The following FAM107B variants were observed in gnomAD, a reference collection of about 807,000 sequenced individuals.
FAM107B encodes family with sequence similarity 107 member B.
FAM107B carries 21 observed loss-of-function variants against 31.5 expected under a neutral mutation model. The observed-to-expected ratio is 0.67, with a 90% CI of 0.47 to 0.96. The LOEUF is 0.96. Among genes scored for constraint, FAM107B ranks in the 40% least tolerant of loss-of-function variants. The pLI is 0.00. For missense variants in FAM107B, 452 were observed against 377.1 expected (o/e 1.20, Z -1.64); for synonymous variants, 157 against 141.5 (o/e 1.11, Z -0.78).
chr10:14,623,257 C>G (rs991367077), intron 2 of FAM107B, among the ~76,000 whole-genome samples: 1 of 152,180 alleles, frequency 6.6e-6, no homozygotes, highest in Non-Finnish European at 1.5e-5. Context: ...TCTTCTTAAG[C>G]AAACAACTCA....
chr10:14,663,025 G>A (rs984838427), intron 2 of FAM107B, among the ~76,000 whole-genome samples: 9 of 152,310 alleles, frequency 5.9e-5, no homozygotes, highest in Admixed American at 2.6e-4. Flanking sequence ...TGAGTCTTCC[G>A]GTCTTCATCT....
intron 2 of FAM107B, chr10:14,572,444 C>T: frequency 4.1e-6 from 4 of 977,722 alleles, no homozygotes; most frequent in Non-Finnish European, 4.9e-6. Flanking sequence ...AGCATCACCA[C>T]AACACCTACA....
chr10:14,738,789 A>T (rs1955195), intron 1 of FAM107B, among the ~76,000 whole-genome samples: 74,343 of 152,040 alleles, frequency 0.49, 19,738 homozygotes, highest in African/African-American at 0.71. Context: ...TAGTGTGCTA[A>T]GTTTCCATTG....
At chr10:14,734,490 T>TTTTTGTTTTGTTTTG (rs1856251081) in intron 1 of FAM107B, among the ~76,000 whole-genome samples, 1 of 122,642 alleles carries the variant, frequency 8.2e-6, no homozygotes, top group African/African-American at 4.3e-5. Flanking sequence ...TTTGTGAGGT[T>TTTTTGTTTTGTTTTG]TTTTTTTTTT....
intron 2 of FAM107B, among the ~76,000 whole-genome samples, chr10:14,588,044 C>T (rs1458229110): frequency 6.6e-6 from 1 of 152,112 alleles, no homozygotes; most frequent in Admixed American, 6.5e-5. Flanking sequence ...AAATAATTTA[C>T]TTCCATTTTA....
chr10:14,723,614 A>C (rs550144676), intron 1 of FAM107B: 22 of 697,190 alleles, frequency 3.2e-5, no homozygotes, highest in African/African-American at 2.8e-4. Context: ...TCTGTGTGAC[A>C]CAGAGCAATG....
At chr10:14,535,135 T>C (rs962442595) in intron 2 of FAM107B, among the ~76,000 whole-genome samples, 4 of 152,226 alleles carry the variant, frequency 2.6e-5, no homozygotes, top group African/African-American at 9.7e-5. Flanking sequence ...AAAGATAATC[T>C]TGTCACAGTC....
At position 14,689,816 on chromosome 10, in the gene FAM107B, A is replaced by G. The variant is rs375239644; in HGVS notation, c.412-22125T>C. On this transcript the variant is annotated intron_variant, in intron 1 of 4. Coordinates refer to ENST00000181796, the MANE Select transcript of FAM107B (RefSeq NM_031453.4). ...TCTCTACAAAACAAAATTTTTAATT[A>G]GCTGGGTGTGGTAGTGCATTCCTAT... is the stretch of plus-strand genomic sequence containing the variant. Among the ~76,000 whole-genome samples, 15 of 151,972 alleles carry G rather than the reference A, an allele frequency of 9.9e-5. No homozygotes were observed. In the East Asian group the frequency reaches 1.4e-3, roughly 14 times the overall value.
At chr10:14,667,957 T>C (rs757187887) in intron 1 of FAM107B, among the ~76,000 whole-genome samples, 1 of 152,082 alleles carries the variant, frequency 6.6e-6, no homozygotes, top group Non-Finnish European at 1.5e-5. Context: ...GTCCCTGGAG[T>C]GGTGCAACCC....
chr10:14,715,286 T>G lies in FAM107B; in HGVS notation c.412-47595A>C, dbSNP rs114836979. ...GAAATCAGAGCTCAAGAAAGAAACT[T>G]TCTTTGGAAATTAAAAATACGATCA... On this transcript the variant is annotated intron_variant, in intron 1 of 4. Transcript: ENST00000181796. Among the ~76,000 whole-genome samples the G allele has an allele frequency of 3.1e-3, 471 of 151,932 alleles. 5 individuals carry two copies. The highest frequency in any genetic ancestry group is 0.011 in the African/African-American group (443 of 41,472).
At chr10:14,611,487 TATATATA>T in intron 2 of FAM107B, among the ~76,000 whole-genome samples, 1 of 5,818 alleles carries the variant, frequency 1.7e-4, no homozygotes, top group Non-Finnish European at 1.3e-3. Context: ...GCCAGTTTTA[TATATATA>T]TATATATATA....
rs145715097 is a variant in FAM107B at position 14,542,197 on chromosome 10, G to A, written c.470-11682C>T. Among the ~76,000 whole-genome samples, 740 of 151,270 alleles carry A rather than the reference G, an allele frequency of 4.9e-3. 3 individuals are homozygous for A. The highest frequency in any genetic ancestry group is 8.4e-3 in the Non-Finnish European group (571 of 67,900). Reference sequence around the variant, plus strand: ...AGGCACGAGAATCGCTTGAACGCAGGAGGCAGAGGCTGCAGTGAGCCAAGG... The same window carrying A: ...AGGCACGAGAATCGCTTGAACGCAGAAGGCAGAGGCTGCAGTGAGCCAAGG... On this transcript the variant is annotated intron_variant, in intron 2 of 4. Coordinates refer to ENST00000181796, the MANE Select transcript of FAM107B (RefSeq NM_031453.4).
chr10:14,575,036 T>C (rs72768932), intron 2 of FAM107B, among the ~76,000 whole-genome samples: 1,877 of 152,250 alleles, frequency 0.012, 22 homozygotes, highest in Non-Finnish European at 0.021. Context: ...TTACCGACCA[T>C]TGGGAAAGTA....
chr10:14,770,975 TAAAAAAAAAAAAA>T (rs56378196), intron 1 of FAM107B, among the ~76,000 whole-genome samples: 2 of 58,922 alleles, frequency 3.4e-5, no homozygotes, highest in African/African-American at 4.9e-5. Context: ...GAGGCTGAAC[TAAAAAAAAAAAAA>T]AAAAAAAAAA....
intron 2 of FAM107B, among the ~76,000 whole-genome samples, chr10:14,629,518 TATA>T (rs1564607043): frequency 8.7e-5 from 10 of 114,380 alleles, no homozygotes; most frequent in Non-Finnish European, 1.7e-4. Context: ...TATATATATA[TATA>T]TTTTTTTTTG....
chr10:14,619,708 TAA>T (rs3995551), intron 2 of FAM107B, among the ~76,000 whole-genome samples: 43 of 104,608 alleles, frequency 4.1e-4, no homozygotes, highest in East Asian at 1.5e-3. Context: ...GTGTCCTAGC[TAA>T]AAAAAAAAAA....
At chr10:14,629,382 AAT>A (rs1491319788) in intron 2 of FAM107B, among the ~76,000 whole-genome samples, 4 of 35,366 alleles carry the variant, frequency 1.1e-4, no homozygotes, top group Non-Finnish European at 1.6e-4. Context: ...TAATATATAT[AAT>A]ATATATAATA....
intron 1 of FAM107B, among the ~76,000 whole-genome samples, chr10:14,768,261 C>G (rs893325714): frequency 3.3e-5 from 5 of 152,150 alleles, no homozygotes; most frequent in African/African-American, 1.2e-4. Context: ...CTATCAAAAT[C>G]TCAATAATGT....
At chr10:14,731,493 C>T (rs956023897) in intron 1 of FAM107B, among the ~76,000 whole-genome samples, 6 of 152,060 alleles carry the variant, frequency 3.9e-5, no homozygotes, top group South Asian at 2.1e-4. Context: ...GCCCAGGAGG[C>T]GGAGGTTGCA....
Sources: gnomAD v4.1 joint callset for allele counts (sites outside exome capture counted in the v4.1 genomes callset) on GRCh38, gnomAD v4.1.1 for gene constraint, MANE v1.5 for transcripts, NCBI Gene and HGNC (gene_info 2026-07-23, HGNC 2026-07-21) for gene names.